The following NEO1 variants were observed in gnomAD, a reference collection of about 807,000 sequenced individuals.
The protein encoded by NEO1 is neogenin 1.
Under a neutral mutation model 159.7 loss-of-function variants are expected in NEO1, and 63 were observed. That is an observed-to-expected ratio of 0.39 (90% CI 0.32 to 0.49). The LOEUF is 0.49. Ranked by LOEUF, NEO1 falls within the 20% of genes least tolerant of loss-of-function variation. NEO1 has a pLI of 0.85. For missense variants in NEO1, 1,615 were observed against 1,831.0 expected, an observed-to-expected ratio of 0.88 and a Z score of 2.15; for synonymous variants, 633 against 662.0, an observed-to-expected ratio of 0.96 and a Z score of 0.67.
At chr15:73,186,735 T>C (rs1306066987) in intron 7 of NEO1, among the ~76,000 whole-genome samples, 2 of 152,078 alleles carry the variant, frequency 1.3e-5, no homozygotes, top group Non-Finnish European at 2.9e-5. Context: ...AGCAAATGGG[T>C]GCCAATGATG....
intron 26 of NEO1, 74 bp from the exon 27 acceptor site, chr15:73,298,274 A>C: frequency 6.3e-7 from 1 of 1,582,500 alleles, no homozygotes. Context: ...GAACCCCTAG[A>C]AGTAGCCAAA....
intron 7 of NEO1, among the ~76,000 whole-genome samples, chr15:73,206,846 TGC>T (rs1277124352): frequency 2.8e-3 from 422 of 149,188 alleles, no homozygotes; most frequent in African/African-American, 8.9e-3. Flanking sequence ...TGTGTGTGTG[TGC>T]GTGTGTGTGT....
At chr15:73,075,917 C>CCA (rs1272013972) in intron 1 of NEO1, among the ~76,000 whole-genome samples, 1 of 152,098 alleles carries the variant, frequency 6.6e-6, no homozygotes, top group African/African-American at 2.4e-5. Flanking sequence ...TAGGATTATG[C>CCA]CACATTCTTT....
Position 73,116,713 on chromosome 15 carries a change from C to G in NEO1, c.304C>G (p.Gln102Glu), listed in dbSNP as rs758073250. 6.2e-7 allele frequency: 1 copy of G among 1,613,900 alleles called. No individual in the cohort carries two copies. Residue 102 changes from glutamine (Q) to glutamate (E), a missense_variant, in exon 2 of 29, where the codon CAG becomes GAG. This residue lies in a region of NEO1 where 1,018 missense variants were observed against 1,115.4 expected (regional missense o/e 0.91). Coordinates refer to ENST00000261908, the MANE Select transcript of NEO1 (RefSeq NM_002499.4). The stretch of plus-strand genomic sequence containing the variant: ...AAACTTAGTATCAGATGATCGACGC[C>G]AGCTTCTCCCGGATGGATCTTTATT... The part of the protein sequence containing the change: ...FLNLVSDDRR[Q>E]LLPDGSLFIS...
intron 7 of NEO1, among the ~76,000 whole-genome samples, chr15:73,211,788 A>C (rs910272498): frequency 2.6e-5 from 4 of 152,176 alleles, no homozygotes; most frequent in African/African-American, 9.6e-5. Flanking sequence ...TGCAGAGAAG[A>C]AGCCCAAGGA....
chr15:73,114,317 G>A (rs143234532), intron 1 of NEO1, among the ~76,000 whole-genome samples: 2 of 152,262 alleles, frequency 1.3e-5, no homozygotes, highest in East Asian at 1.9e-4. Flanking sequence ...CGTGGCAGTC[G>A]ACTAAAGGAG....
chr15:73,208,521 C>T (rs1247861603), intron 7 of NEO1, among the ~76,000 whole-genome samples: 2 of 152,000 alleles, frequency 1.3e-5, no homozygotes, highest in South Asian at 2.1e-4. Flanking sequence ...TGCCTGTTTT[C>T]TAAAGCTTCT....
chr15:73,124,520 CTCACTCGAAGATTGTGA>C (rs2029897551), intron 3 of NEO1, among the ~76,000 whole-genome samples: 2 of 152,150 alleles, frequency 1.3e-5, no homozygotes, highest in African/African-American at 4.8e-5. Context: ...TCTTTTCTCC[CTCACTCGAAGATTGTGA>C]TCACTTTATG....
At chr15:73,178,024 C>A (rs1464841793) in intron 6 of NEO1, among the ~76,000 whole-genome samples, 1 of 152,136 alleles carries the variant, frequency 6.6e-6, no homozygotes, top group Non-Finnish European at 1.5e-5. Flanking sequence ...CGTGCCAGAT[C>A]TTTTTCCAGG....
chr15:73,187,807 T>A (rs1253683270), intron 7 of NEO1, among the ~76,000 whole-genome samples: 1 of 152,188 alleles, frequency 6.6e-6, no homozygotes, highest in African/African-American at 2.4e-5. Flanking sequence ...CCCTTTAAGA[T>A]GTATTAATGG....
At chr15:73,165,111 T>G (rs540304112) in intron 5 of NEO1, among the ~76,000 whole-genome samples, 11 of 150,964 alleles carry the variant, frequency 7.3e-5, no homozygotes, top group East Asian at 5.9e-4. Flanking sequence ...TTTTTTTTTT[T>G]TTGTAGAGAT....
At chr15:73,073,244 A>G (rs1211667204) in intron 1 of NEO1, among the ~76,000 whole-genome samples, 1 of 152,194 alleles carries the variant, frequency 6.6e-6, no homozygotes, top group Non-Finnish European at 1.5e-5. Flanking sequence ...TGCTGGCAGA[A>G]TTAAGTATGC....
intron 1 of NEO1, among the ~76,000 whole-genome samples, chr15:73,105,820 T>C (rs565592399): frequency 1.3e-5 from 2 of 152,186 alleles, no homozygotes; most frequent in Non-Finnish European, 2.9e-5. Context: ...CTCATCAGGA[T>C]GTTTATGAAG....
chr15:73,107,048 AT>A, intron 1 of NEO1, among the ~76,000 whole-genome samples: 1 of 152,246 alleles, frequency 6.6e-6, no homozygotes, highest in Non-Finnish European at 1.5e-5. Context: ...GATGAAATAG[AT>A]TTTTTAGGAG....
intron 5 of NEO1, 105 bp from the exon 6 acceptor site, chr15:73,176,298 A>G (rs1295069086): frequency 5.8e-6 from 4 of 686,604 alleles, no homozygotes; most frequent in Non-Finnish European, 8.7e-6. Context: ...GCTTCAAATA[A>G]TGAGTAAAAA....
intron 21 of NEO1, among the ~76,000 whole-genome samples, chr15:73,276,623 C>T (rs1438910741): frequency 6.6e-6 from 1 of 152,134 alleles, no homozygotes; most frequent in Non-Finnish European, 1.5e-5. Context: ...ACTCCTGTTA[C>T]CTTCTTTTGG....
At chr15:73,150,129 C>T (rs182451407) in intron 5 of NEO1, among the ~76,000 whole-genome samples, 16 of 152,254 alleles carry the variant, frequency 1.1e-4, no homozygotes, top group Admixed American at 8.5e-4. Context: ...TTTACATGGA[C>T]TGAATTTGAC....
intron 1 of NEO1, among the ~76,000 whole-genome samples, chr15:73,093,863 G>C (rs2069841870): frequency 6.6e-6 from 1 of 152,198 alleles, no homozygotes; most frequent in Non-Finnish European, 1.5e-5. Flanking sequence ...ATAGGCACGA[G>C]CCACTGTGCC....
intron 5 of NEO1, among the ~76,000 whole-genome samples, chr15:73,171,435 GT>G (rs1179373778): frequency 6.6e-6 from 1 of 151,580 alleles, no homozygotes; most frequent in African/African-American, 2.4e-5. Context: ...GTGGTGGTGC[GT>G]TCCTGTAGTC....
Sources: gnomAD v4.1 joint callset for allele counts (sites outside exome capture counted in the v4.1 genomes callset) on GRCh38, gnomAD v4.1.1 for gene constraint, gnomAD v4.1.1 regional missense constraint, MANE v1.5 for transcripts, NCBI Gene and HGNC (gene_info 2026-07-23, HGNC 2026-07-21) for gene names.